The following CBX1 variants were observed in gnomAD, a reference collection of about 807,000 sequenced individuals.
CBX1 encodes chromobox 1.
CBX1 carries 10 observed loss-of-function variants against 25.1 expected under a neutral mutation model. That is an observed-to-expected ratio of 0.40 (90% confidence interval 0.25 to 0.68). CBX1 has a LOEUF of 0.68. CBX1 is among the 30% of genes least tolerant of loss of function. CBX1 has a pLI of 0.40. For missense variants in CBX1, 106 were observed against 218.5 expected (o/e 0.49, Z 3.25); for synonymous variants, 63 against 79.4 (o/e 0.79, Z 1.10).
chr17:48,094,212 T>C lies in CBX1; in HGVS notation c.-38+7056A>G, dbSNP rs185293598. Among the ~76,000 whole-genome samples, 493 of 149,680 alleles carry C rather than the reference T, an allele frequency of 3.3e-3. 7 individuals are homozygous for C. Among genetic ancestry groups the C allele is most frequent in the African/African-American group, 0.012 (481 of 40,736 alleles). On this transcript the variant is annotated intron_variant, in intron 1 of 4. Transcript: ENST00000225603. ...ACATTGGGAGGCCAAGGCAGGTGGA[T>C]CACTTGAGGTCAGGAGTTCAAGATC...
intron 3 of CBX1, 71 bp from the exon 4 acceptor site, chr17:48,075,171 G>T: frequency 1.0e-6 from 1 of 962,002 alleles, no homozygotes; most frequent in Non-Finnish European, 1.7e-6. Flanking sequence ...CCATTCCTGT[G>T]TCTCTGATTA....
intron 1 of CBX1, among the ~76,000 whole-genome samples, chr17:48,087,670 G>A (rs1010762264): frequency 1.3e-5 from 2 of 151,920 alleles, no homozygotes; most frequent in Non-Finnish European, 2.9e-5. Flanking sequence ...TCATGAGATC[G>A]AGACCTTCCT....
intron 1 of CBX1, among the ~76,000 whole-genome samples, chr17:48,078,978 CAG>C (rs1374669433): frequency 1.5e-5 from 2 of 134,600 alleles, no homozygotes; most frequent in African/African-American, 6.3e-5. Context: ...TTAGCAGAGA[CAG>C]GGTTTCACCA....
intron 2 of CBX1, among the ~76,000 whole-genome samples, 199 bp downstream of exon 2, chr17:48,076,666 G>A (rs573037118): frequency 2.0e-5 from 3 of 152,192 alleles, no homozygotes; most frequent in East Asian, 3.9e-4. Flanking sequence ...GCGAGACCTC[G>A]TCTCAAAAGA....
intron 1 of CBX1, among the ~76,000 whole-genome samples, chr17:48,087,180 C>T (rs1361292215): frequency 1.8e-5 from 2 of 111,822 alleles, no homozygotes; most frequent in Non-Finnish European, 1.8e-5. Flanking sequence ...CAGAGTAAGA[C>T]GCCATCTCAA....
At chr17:48,089,154 G>A (rs909082035) in intron 1 of CBX1, among the ~76,000 whole-genome samples, 1 of 146,796 alleles carries the variant, frequency 6.8e-6, no homozygotes. Flanking sequence ...AGGCTGGAGT[G>A]CAGTGGTGTG....
At chr17:48,079,168 C>T (rs2037708366) in intron 1 of CBX1, among the ~76,000 whole-genome samples, 1 of 151,432 alleles carries the variant, frequency 6.6e-6, no homozygotes, top group African/African-American at 2.4e-5. Context: ...TGCAGTGGCA[C>T]AGTCTTGGCT....
In CBX1 at chr17:48,076,984, C is replaced by G. The variant is rs762873265; in HGVS notation, c.21G>C (p.Lys7Asn). MGKKQN[K>N]KKVEEVLEEE... is the part of the protein sequence containing the mutation. ...CTTCTAGCACCTCCTCCACTTTCTT[C>G]TTGTTTTGTTTTTTCCCCATAGTGC... Residue 7 changes from lysine to asparagine, a missense_variant, in exon 2 of 5, where the codon AAG (lysine) becomes AAC (asparagine). Around this residue, in one of 4 missense-constraint regions of CBX1, gnomAD observed 19 missense variants for 17.3 expected, o/e 1.10. Transcript: ENST00000225603. 6.2e-7 allele frequency: 1 copy of G among 1,613,342 alleles called. No individual in the cohort carries two copies. The highest frequency in any genetic ancestry group is 8.5e-7 in the Non-Finnish European group (1 of 1,179,728).
chr17:48,098,282 A>G (rs1345968546), intron 1 of CBX1, among the ~76,000 whole-genome samples: 2 of 151,736 alleles, frequency 1.3e-5, no homozygotes, highest in African/African-American at 2.4e-5. Context: ...CAAACAAACA[A>G]AAAGAAACTA....
At chr17:48,081,404 A>G (rs1244469148) in intron 1 of CBX1, among the ~76,000 whole-genome samples, 1 of 152,160 alleles carries the variant, frequency 6.6e-6, no homozygotes, top group Non-Finnish European at 1.5e-5. Flanking sequence ...AAATGGGGAA[A>G]TCTAAAGTAA....
chr17:48,101,311 T>C lies in CBX1; in HGVS notation c.-81A>G. ...AGCCCGAGAGGAATCGGTGCTGCGC[T>C]GCTGGCGCGTCGCGTCGGGTCGCCT... is the stretch of plus-strand genomic sequence containing the variant. On this transcript the variant is annotated 5_prime_UTR_variant, in exon 1 of 5. Coordinates refer to ENST00000225603, the MANE Select transcript of CBX1 (RefSeq NM_001127228.2). 1.0e-6 allele frequency: 1 copy of C among 986,470 alleles called. No individual in the cohort carries two copies. The highest frequency in any genetic ancestry group is 4.5e-5 in the South Asian group (1 of 22,122). 61.1% of individuals were successfully genotyped at this position (986,470 alleles called of 1,614,324 possible).
Position 48,091,381 on chromosome 17 carries a change from T to C in CBX1, c.-38+9887A>G, listed in dbSNP as rs376119794. Among the ~76,000 whole-genome samples, 26 of 152,134 alleles carry C rather than the reference T, an allele frequency of 1.7e-4. 1 individual carries two copies. In the East Asian group the frequency reaches 3.9e-3, roughly 23 times the overall value. ...TTCATAACTGCAGATCTTCTAGCTT[T>C]TTTTTTTTTAAGATGGAATTTTACT... On this transcript the variant is annotated intron_variant, in intron 1 of 4. Coordinates refer to ENST00000225603, the MANE Select transcript of CBX1 (RefSeq NM_001127228.2).
rs1339995660 is a variant in CBX1, at chr17:48,070,389, T to C, written c.*1046A>G. 6.6e-6 allele frequency: 1 copy of C among 152,658 alleles called. No homozygotes were observed. Among genetic ancestry groups the C allele is most frequent in the Non-Finnish European group, 1.5e-5 (1 of 68,040 alleles). 9.5% of individuals were successfully genotyped at this position (152,658 alleles called of 1,614,324 possible). ...ACTCTTGGATCAATTCAGTGAAACTTGTGCTGTCAGTGACTGAACCCTGCC... is the reference window on the plus strand; with the variant it reads ...ACTCTTGGATCAATTCAGTGAAACTCGTGCTGTCAGTGACTGAACCCTGCC... On this transcript the variant is annotated 3_prime_UTR_variant, in exon 5 of 5. Coordinates refer to ENST00000225603, the MANE Select transcript of CBX1 (RefSeq NM_001127228.2).
At chr17:48,084,164 C>T (rs2037763820) in intron 1 of CBX1, among the ~76,000 whole-genome samples, 1 of 139,740 alleles carries the variant, frequency 7.2e-6, no homozygotes. Context: ...CTGGTGGAGA[C>T]AAGGTGTTCC....
At chr17:48,101,080 G>A (rs1430864080) in intron 1 of CBX1, 188 bp downstream of exon 1, 2 of 986,144 alleles carry the variant, frequency 2.0e-6, no homozygotes, top group Non-Finnish European at 2.4e-6. Flanking sequence ...CCTTCACGCA[G>A]CTGGCACCGA....
rs867931963 is a variant in CBX1 at position 48,094,145 on chromosome 17, T to C, written c.-38+7123A>G. On this transcript the variant is annotated intron_variant, in intron 1 of 4. Transcript: ENST00000225603. ...AAAAAAAAAAAAAAAAAAAGAAGTG[T>C]GGGCTTGGTAGGGCGCAGTGGCTCA... Among the ~76,000 whole-genome samples the C allele has an allele frequency of 6.8e-5, 8 of 118,296 alleles. 1 individual carries two copies. Among genetic ancestry groups the C allele is most frequent in the Middle Eastern group, 0.015 (2 of 132 alleles). The allele number at this position is 118,296 out of a possible 152,430, so 77.6% of individuals were successfully genotyped here. A position where few individuals can be genotyped will look rare whatever the true frequency, so the allele number is the denominator to read the frequency against.
At chr17:48,079,567 C>T (rs1358622918) in intron 1 of CBX1, among the ~76,000 whole-genome samples, 1 of 152,090 alleles carries the variant, frequency 6.6e-6, no homozygotes, top group African/African-American at 2.4e-5. Context: ...AATTATGGCT[C>T]ATTGCAGCTT....
intron 1 of CBX1, among the ~76,000 whole-genome samples, chr17:48,093,070 CA>C (rs748778471): frequency 6.9e-4 from 6 of 8,744 alleles, no homozygotes; most frequent in African/African-American, 1.7e-3. Context: ...AACTCTGTCT[CA>C]AAAAAAAAAA....
At chr17:48,088,946 A>T (rs951589602) in intron 1 of CBX1, among the ~76,000 whole-genome samples, 1 of 152,118 alleles carries the variant, frequency 6.6e-6, no homozygotes, top group African/African-American at 2.4e-5. Context: ...ACTGCACTCC[A>T]GCCTGGGCGA....
Sources: allele counts gnomAD v4.1 joint callset (sites outside exome capture counted in the v4.1 genomes callset), GRCh38; gene constraint gnomAD v4.1.1; regional missense constraint gnomAD v4.1.1; transcripts MANE v1.5; gene names NCBI Gene and HGNC (gene_info 2026-07-23, HGNC 2026-07-21).